The following ZNF407 variants were observed in gnomAD, a reference collection of about 807,000 sequenced individuals.
ZNF407 encodes the protein zinc finger protein 407.
Under a neutral mutation model 131.2 loss-of-function variants are expected in ZNF407, and 17 were observed. The observed-to-expected ratio is 0.13, with a 90% CI of 0.09 to 0.19. The LOEUF (loss-of-function observed/expected upper bound fraction) is 0.19, where lower values mean the gene tolerates loss of function less well. ZNF407 is among the 10% of genes least tolerant of loss of function. ZNF407 has a pLI of 1.00. For missense variants in ZNF407, 2,681 were observed against 2,830.6 expected, an observed-to-expected ratio of 0.95 and a Z score of 1.20; for synonymous variants, 1,156 against 1,062.0, an observed-to-expected ratio of 1.09 and a Z score of -1.72.
intron 5 of ZNF407, 147 bp downstream of exon 5, chr18:74,877,510 G>C: frequency 1.2e-6 from 1 of 811,778 alleles, no homozygotes; most frequent in Admixed American, 2.7e-5. Flanking sequence ...TGTATTTATA[G>C]GTATGGTATC....
intron 4 of ZNF407, among the ~76,000 whole-genome samples, chr18:74,872,776 AAAAAG>A (rs1971106227): frequency 6.6e-6 from 1 of 151,624 alleles, no homozygotes; most frequent in African/African-American, 2.4e-5. Context: ...GAAAAAAAAA[AAAAAG>A]AAAAGATATA....
chr18:74,784,761 G>A (rs1969672233), intron 4 of ZNF407, among the ~76,000 whole-genome samples: 1 of 152,176 alleles, frequency 6.6e-6, no homozygotes, highest in Admixed American at 6.5e-5. Context: ...GTAAGCCAAA[G>A]CATCTTTATG....
At chr18:74,783,338 G>A (rs1330848993) in intron 4 of ZNF407, among the ~76,000 whole-genome samples, 2 of 152,012 alleles carry the variant, frequency 1.3e-5, no homozygotes, top group African/African-American at 4.8e-5. Flanking sequence ...TTTCCCAACT[G>A]TACTTTTAAA....
chr18:74,849,417 A>G (rs1464492922), intron 4 of ZNF407, among the ~76,000 whole-genome samples: 4 of 151,994 alleles, frequency 2.6e-5, no homozygotes, highest in African/African-American at 9.7e-5. Context: ...TCATCTCTTA[A>G]AAGGTAGTTG....
At chr18:75,019,114 G>A (rs1973077835) in intron 8 of ZNF407, among the ~76,000 whole-genome samples, 2 of 152,076 alleles carry the variant, frequency 1.3e-5, no homozygotes, top group Non-Finnish European at 1.5e-5. Flanking sequence ...GATGCCAAAA[G>A]GAGATATTGG....
At chr18:74,894,946 C>G (rs919566015) in intron 7 of ZNF407, among the ~76,000 whole-genome samples, 7 of 151,992 alleles carry the variant, frequency 4.6e-5, no homozygotes, top group African/African-American at 1.4e-4. Context: ...CTTACATACC[C>G]TTTTTAATTT....
At chr18:74,646,265 A>G (rs1984968241) in intron 3 of ZNF407, among the ~76,000 whole-genome samples, 3 of 152,344 alleles carry the variant, frequency 2.0e-5, no homozygotes, top group Non-Finnish European at 2.9e-5. Flanking sequence ...AGTTACACCC[A>G]TCATATCTAC....
chr18:74,711,467 C>T (rs1446388134), intron 3 of ZNF407, among the ~76,000 whole-genome samples: 1 of 152,102 alleles, frequency 6.6e-6, no homozygotes, highest in Non-Finnish European at 1.5e-5. Context: ...TTCCGCATAG[C>T]TGGTTTCAAG....
intron 8 of ZNF407, among the ~76,000 whole-genome samples, chr18:75,019,102 A>G (rs1973077648): frequency 6.6e-6 from 1 of 152,162 alleles, no homozygotes; most frequent in Non-Finnish European, 1.5e-5. Context: ...ATTATCTCAA[A>G]GGATGCCAAA....
At chr18:74,609,438 T>C (rs1982957950) in intron 1 of ZNF407, among the ~76,000 whole-genome samples, 1 of 152,212 alleles carries the variant, frequency 6.6e-6, no homozygotes, top group African/African-American at 2.4e-5. Context: ...TAGGCAATTG[T>C]AACTCAATGG....
chr18:74,747,840 T>G (rs1190589873), intron 3 of ZNF407, among the ~76,000 whole-genome samples: 1 of 152,176 alleles, frequency 6.6e-6, no homozygotes, highest in Non-Finnish European at 1.5e-5. Flanking sequence ...ATAACACATA[T>G]ACTTTGAGGA....
chr18:74,855,835 A>G (rs1023309327), intron 4 of ZNF407, among the ~76,000 whole-genome samples: 5 of 152,240 alleles, frequency 3.3e-5, no homozygotes, highest in Non-Finnish European at 7.3e-5. Context: ...ACACCTAACA[A>G]CAGGAGAGAT....
intron 8 of ZNF407, among the ~76,000 whole-genome samples, chr18:74,996,014 A>G (rs75042781): frequency 0.029 from 4,382 of 152,358 alleles, 188 homozygotes; most frequent in African/African-American, 0.097. Context: ...TTCAAAATAC[A>G]TGATAAACTC....
At chr18:74,963,222 GC>G (rs1212975485) in intron 8 of ZNF407, among the ~76,000 whole-genome samples, 2 of 139,156 alleles carry the variant, frequency 1.4e-5, no homozygotes, top group Non-Finnish European at 3.1e-5. Context: ...GTTATGCATT[GC>G]CTTTAAATAT....
At chr18:74,783,822 G>A (rs983466712) in intron 4 of ZNF407, among the ~76,000 whole-genome samples, 3 of 152,108 alleles carry the variant, frequency 2.0e-5, no homozygotes, top group Admixed American at 6.5e-5. Context: ...TAAACCAAAC[G>A]TCTTTGACTG....
chr18:75,008,564 C>CA (rs1174269296), intron 8 of ZNF407, among the ~76,000 whole-genome samples: 4 of 152,024 alleles, frequency 2.6e-5, no homozygotes, highest in African/African-American at 9.7e-5. Flanking sequence ...AATATGGTTG[C>CA]AAAAAAGCTC....
intron 4 of ZNF407, among the ~76,000 whole-genome samples, chr18:74,803,177 A>C (rs1970050259): frequency 6.6e-6 from 1 of 152,200 alleles, no homozygotes; most frequent in Non-Finnish European, 1.5e-5. Flanking sequence ...CTTGTATTTC[A>C]GTGCTTCACT....
At chr18:74,964,599 T>C (rs1481483855) in intron 8 of ZNF407, among the ~76,000 whole-genome samples, 1 of 151,508 alleles carries the variant, frequency 6.6e-6, no homozygotes, top group Non-Finnish European at 1.5e-5. Context: ...TTTTTTTTTT[T>C]TGGGTCTTCT....
At chr18:74,768,882 C>G (rs552202959) in intron 3 of ZNF407, among the ~76,000 whole-genome samples, 1 of 152,214 alleles carries the variant, frequency 6.6e-6, no homozygotes, top group African/African-American at 2.4e-5. Context: ...CTCTTTTATC[C>G]TGGAAGGATG....
Sources: gnomAD v4.1 joint callset for allele counts (sites outside exome capture counted in the v4.1 genomes callset) on GRCh38, gnomAD v4.1.1 for gene constraint, MANE v1.5 for transcripts, NCBI Gene and HGNC (gene_info 2026-07-23, HGNC 2026-07-21) for gene names.